The following EXOC5 variants were observed in gnomAD, a reference collection of about 807,000 sequenced individuals.
The protein encoded by EXOC5 is exocyst complex component 5, also known as SEC10-like 1.
A neutral mutation model predicts 90.8 loss-of-function variants in EXOC5; 17 were observed. That is an observed-to-expected ratio of 0.19 (90% CI 0.13 to 0.28). The LOEUF (loss-of-function observed/expected upper bound fraction) is 0.28. EXOC5 is among the 10% of genes least tolerant of loss of function. The pLI is 1.00. For synonymous variants in EXOC5, 260 were observed against 270.0 expected, an observed-to-expected ratio of 0.96 and a Z score of 0.36; for missense variants, 569 against 830.6, an observed-to-expected ratio of 0.69 and a Z score of 3.87.
chr14:57,203,475 G>C lies in EXOC5; in HGVS notation c.*5134C>G, dbSNP rs1217730027. 6.6e-6 allele frequency: 1 copy of C among 152,500 alleles called. No individual in the cohort carries two copies. The highest frequency in any genetic ancestry group is 1.5e-5 in the Non-Finnish European group (1 of 68,026). The allele number at this position is 152,500 out of a possible 1,614,324, so 9.4% of individuals were successfully genotyped here. ...ACTTCACTTAGTTTATTAACATAAA[G>C]ATAACTGGAAGGGATACGACACTTT... is the stretch of plus-strand genomic sequence containing the variant. On this transcript the variant is annotated 3_prime_UTR_variant, in exon 18 of 18. Coordinates refer to ENST00000621441, the MANE Select transcript of EXOC5 (RefSeq NM_006544.4).
chr14:57,262,575 T>TAC (rs1884536765), intron 1 of EXOC5, among the ~76,000 whole-genome samples: 1 of 147,618 alleles, frequency 6.8e-6, no homozygotes, highest in African/African-American at 2.5e-5. Flanking sequence ...TATATATATA[T>TAC]ACGTATATAT....
chr14:57,204,123 CA>C lies in EXOC5; in HGVS notation c.*4485del, dbSNP rs1309754980. The C allele has an allele frequency of 7.2e-5, 11 of 152,014 alleles. No homozygotes were observed. Among genetic ancestry groups the C allele is most frequent in the Non-Finnish European group, 1.3e-4 (9 of 67,960 alleles). The allele number at this position is 152,014 out of a possible 1,614,324, so 9.4% of individuals were successfully genotyped here. Reference sequence around the variant, plus strand: ...GTGTTTAATTACTCATCTTTCCCCCCAAAAGTCGATAATCACAAAACAAAGG... The same window carrying C: ...GTGTTTAATTACTCATCTTTCCCCCCAAAGTCGATAATCACAAAACAAAGG... On this transcript the variant is annotated 3_prime_UTR_variant, in exon 18 of 18. Coordinates refer to ENST00000621441, the MANE Select transcript of EXOC5 (RefSeq NM_006544.4).
At chr14:57,228,779 AAACC>A (rs1485023174) in intron 12 of EXOC5, among the ~76,000 whole-genome samples, 2 of 151,610 alleles carry the variant, frequency 1.3e-5, no homozygotes, top group African/African-American at 4.9e-5. Flanking sequence ...TGGGTGCAGC[AAACC>A]ACCATGGCAC....
chr14:57,263,739 TAAAAAAAAAAAA>T (rs550651836), intron 1 of EXOC5, among the ~76,000 whole-genome samples: 1 of 39,366 alleles, frequency 2.5e-5, no homozygotes, highest in Non-Finnish European at 5.8e-5. Context: ...CACTCCAGCC[TAAAAAAAAAAAA>T]AAAAAAAAAA....
At chr14:57,244,504 T>C in intron 3 of EXOC5, 145 bp from the exon 4 acceptor site, 1 of 637,324 alleles carries the variant, frequency 1.6e-6, no homozygotes, top group Non-Finnish European at 2.7e-6. Flanking sequence ...TGTGACATGA[T>C]CTGAAAATCT....
At chr14:57,247,507 T>C (rs1474232339) in intron 2 of EXOC5, 111 bp downstream of exon 2, 17 of 481,378 alleles carry the variant, frequency 3.5e-5, no homozygotes, top group Non-Finnish European at 5.9e-5. Flanking sequence ...GGCCAAATGT[T>C]AACTAAAATC....
rs1882703800 is a variant in EXOC5, at chr14:57,207,804, G to A, written c.*805C>T. 6.6e-6 allele frequency: 1 copy of A among 151,748 alleles called. No homozygotes were observed. Among genetic ancestry groups the A allele is most frequent in the African/African-American group, 2.4e-5 (1 of 41,320 alleles). The allele number at this position is 151,748 out of a possible 1,614,324, so 9.4% of individuals were successfully genotyped here. On this transcript the variant is annotated 3_prime_UTR_variant, in exon 18 of 18. Transcript: ENST00000621441. ...ACTTCCCTTATAATATTAAAATAATGAATAAATATGGTCCTTTAGTTAAGG... is the reference window on the plus strand; with the variant it reads ...ACTTCCCTTATAATATTAAAATAATAAATAAATATGGTCCTTTAGTTAAGG...
At chr14:57,241,057 T>A (rs1321907903) in intron 4 of EXOC5, among the ~76,000 whole-genome samples, 1 of 152,140 alleles carries the variant, frequency 6.6e-6, no homozygotes, top group African/African-American at 2.4e-5. Context: ...TTTCGCCATG[T>A]TAGCCAGGCT....
At chr14:57,238,375 TACACACACACACACACACAC>T (rs1183693696) in intron 5 of EXOC5, among the ~76,000 whole-genome samples, 2 of 74,860 alleles carry the variant, frequency 2.7e-5, no homozygotes, top group Non-Finnish European at 5.6e-5. Context: ...TATATATATA[TACACACACACACACACACAC>T]ACACACACAC....
Position 57,235,755 on chromosome 14 carries a change from T to G in EXOC5, c.625A>C (p.Ile209Leu). The G allele has an allele frequency of 6.4e-7, 1 of 1,558,010 alleles. No individual in the cohort carries two copies. Among genetic ancestry groups the G allele is most frequent in the Non-Finnish European group, 8.7e-7 (1 of 1,148,458 alleles). The change falls in exon 7 of 18, where the codon ATC (isoleucine) becomes CTC (leucine). Residue 209 changes from isoleucine to leucine, a missense_variant. Physicochemically the swap from Ile to Leu is conservative, Grantham distance 5. Around this residue, in one of 9 missense-constraint regions of EXOC5, gnomAD observed 97 missense variants for 177.9 expected, o/e 0.55. Coordinates refer to ENST00000621441, the MANE Select transcript of EXOC5 (RefSeq NM_006544.4). ...GCTGCTACTTCTCTCATTCTGGAGA[T>G]TTCACCTCTTCTTTGAGCACTGGTA... ...EFTSAQRRGE[I>L]SRMREVAAVL...
intron 11 of EXOC5, among the ~76,000 whole-genome samples, chr14:57,230,475 A>G (rs1230556373): frequency 6.6e-6 from 1 of 151,766 alleles, no homozygotes; most frequent in Non-Finnish European, 1.5e-5. Context: ...ATTATTCATT[A>G]GTTTTCCTCT....
chr14:57,231,900 T>C (rs1883499292), intron 10 of EXOC5, 185 bp from the exon 11 acceptor site: 1 of 494,754 alleles, frequency 2.0e-6, no homozygotes, highest in South Asian at 3.0e-5. Flanking sequence ...TACAGTGAAA[T>C]ATTACGAACA....
intron 1 of EXOC5, among the ~76,000 whole-genome samples, chr14:57,256,202 G>C (rs891077045): frequency 6.6e-6 from 1 of 152,134 alleles, no homozygotes; most frequent in African/African-American, 2.4e-5. Context: ...ATCAGGATGA[G>C]GCAGGGCTGC....
intron 15 of EXOC5, among the ~76,000 whole-genome samples, chr14:57,210,477 T>C (rs1882796223): frequency 6.6e-6 from 1 of 152,210 alleles, no homozygotes; most frequent in Non-Finnish European, 1.5e-5. Flanking sequence ...CATAATAAGA[T>C]ATCTTGGGGA....
At chr14:57,262,878 A>G (rs531099778) in intron 1 of EXOC5, among the ~76,000 whole-genome samples, 2 of 152,116 alleles carry the variant, frequency 1.3e-5, no homozygotes, top group African/African-American at 2.4e-5. Flanking sequence ...TTAACTCCTC[A>G]GTAATCAAAT....
intron 1 of EXOC5, among the ~76,000 whole-genome samples, chr14:57,265,217 G>T (rs776000088): frequency 6.7e-6 from 1 of 150,150 alleles, no homozygotes; most frequent in South Asian, 2.1e-4. Flanking sequence ...GTCAATTTCA[G>T]AACTTTATCT....
chr14:57,231,508 T>C lies in EXOC5; in HGVS notation c.1146A>G (p.Gly382=). Residue 382 remains glycine, a splice_region_variant and synonymous_variant, in exon 11 of 18, where the codon GGA becomes GGG. Transcript: ENST00000621441. ...AAGTATTTAACAAAAATACTCACCC[T>C]CCTGTGCCAATGGATCTCTTTTGAT... is the stretch of plus-strand genomic sequence containing the variant. The part of the protein sequence containing the change: ...KNHQKRSIGT[G]GIQDLKERIR... 1.9e-6 allele frequency: 3 copies of C among 1,604,702 alleles called. No individual in the cohort carries two copies. Among genetic ancestry groups the C allele is most frequent in the Non-Finnish European group, 2.6e-6 (3 of 1,175,800 alleles).
chr14:57,241,498 T>A (rs1883856652), intron 4 of EXOC5, among the ~76,000 whole-genome samples: 1 of 152,248 alleles, frequency 6.6e-6, no homozygotes, highest in African/African-American at 2.4e-5. Context: ...ATAAGGAGTT[T>A]TTGTTCTTTT....
At chr14:57,217,900 T>C (rs1056494373) in intron 15 of EXOC5, 82 bp downstream of exon 15, 1 of 731,184 alleles carries the variant, frequency 1.4e-6, no homozygotes, top group South Asian at 1.6e-5. Flanking sequence ...ATATTTTTCT[T>C]CTCTACAAAG....
Sources: allele counts gnomAD v4.1 joint callset (sites outside exome capture counted in the v4.1 genomes callset), GRCh38; gene constraint gnomAD v4.1.1; regional missense constraint gnomAD v4.1.1; transcripts MANE v1.5; gene names NCBI Gene and HGNC (gene_info 2026-07-23, HGNC 2026-07-21).